The following PCDHA5 variants were observed in gnomAD, a reference collection of about 807,000 sequenced individuals.
PCDHA5 encodes the protein protocadherin alpha 5.
A neutral mutation model predicts 61.6 loss-of-function variants in PCDHA5; 43 were observed. That is an observed-to-expected ratio of 0.70 (90% CI 0.55 to 0.90). The LOEUF is 0.90. PCDHA5 is among the 40% of genes least tolerant of loss of function. The pLI is 0.00. For missense variants in PCDHA5, 1,298 were observed against 1,222.7 expected (o/e 1.06, Z -0.92); for synonymous variants, 627 against 543.9 (o/e 1.15, Z -2.13).
At chr5:140,858,313 G>A (rs781800844) in intron 1 of PCDHA5, 1 of 1,597,108 alleles carries the variant, frequency 6.3e-7, no homozygotes, top group Non-Finnish European at 8.6e-7. Flanking sequence ...GGCGGCAGAG[G>A]GTGTGTTCTG....
chr5:140,886,603 G>A lies in PCDHA5; in HGVS notation c.2352+62476G>A, dbSNP rs781862855. Among the ~76,000 whole-genome samples, 8 of 152,090 alleles carry A rather than the reference G, an allele frequency of 5.3e-5. No individual in the cohort carries two copies. The East Asian group carries it at 1.2e-3, about 22-fold the overall frequency. ...AGCACTTTGGGAGGCCAAGGTGGGCGGATCAGGAGATCAGGAGTCCGAGAC... is the reference window on the plus strand; with the variant it reads ...AGCACTTTGGGAGGCCAAGGTGGGCAGATCAGGAGATCAGGAGTCCGAGAC... On this transcript the variant is annotated intron_variant, in intron 1 of 3. Coordinates refer to ENST00000529859, the MANE Select transcript of PCDHA5 (RefSeq NM_018908.3).
At chr5:140,927,295 G>T (rs1343982131) in intron 1 of PCDHA5, 2 of 1,614,032 alleles carry the variant, frequency 1.2e-6, no homozygotes, top group African/African-American at 2.7e-5. Context: ...GCACATCCCC[G>T]AGTTCCTGAC....
chr5:140,870,186 C>T (rs1362653742), intron 1 of PCDHA5: 7 of 1,614,152 alleles, frequency 4.3e-6, no homozygotes, highest in Non-Finnish European at 5.9e-6. Flanking sequence ...TACGAGAGGA[C>T]GCTCAGCCCA....
intron 1 of PCDHA5, among the ~76,000 whole-genome samples, chr5:140,894,303 A>G (rs1386163832): frequency 2.0e-5 from 3 of 151,922 alleles, no homozygotes; most frequent in Admixed American, 6.6e-5. Context: ...TTTCCTGGAA[A>G]GTTTTCTTAA....
intron 1 of PCDHA5, chr5:140,824,442 T>C (rs1218681700): frequency 6.3e-6 from 3 of 472,476 alleles, no homozygotes; most frequent in African/African-American, 6.0e-5. Context: ...TTTCAGTTTA[T>C]GACTACATGA....
chr5:140,835,093 A>T (rs2150230722), intron 1 of PCDHA5: 1 of 1,240,950 alleles, frequency 8.1e-7, no homozygotes, highest in East Asian at 2.6e-5. Context: ...GACAACAATG[A>T]CAATGCCCCA....
At position 140,945,888 on chromosome 5, in the gene PCDHA5, C is replaced by T. The variant is rs117232601; in HGVS notation, c.2353-33061C>T. Among the ~76,000 whole-genome samples, 21 of 152,006 alleles carry T rather than the reference C, an allele frequency of 1.4e-4. No homozygotes were observed. The East Asian group carries it at 2.9e-3, about 21-fold the overall frequency. On this transcript the variant is annotated intron_variant, in intron 1 of 3. Transcript: ENST00000529859. Reference sequence around the variant, plus strand: ...GAAATTGTAAAACTAACAAAGAAAACACAGTGGGAAAGATGAAAGATCAAT... The same window carrying T: ...GAAATTGTAAAACTAACAAAGAAAATACAGTGGGAAAGATGAAAGATCAAT...
intron 1 of PCDHA5, chr5:140,829,924 G>T: frequency 6.2e-7 from 1 of 1,614,014 alleles, no homozygotes; most frequent in Non-Finnish European, 8.5e-7. Context: ...CGTATGAGCT[G>T]CAGCCCCCGG....
intron 1 of PCDHA5, chr5:140,834,235 C>A: frequency 1.3e-6 from 1 of 779,654 alleles, no homozygotes; most frequent in South Asian, 2.0e-5. Flanking sequence ...GAAGTCATTC[C>A]TTTTCGCACT....
In PCDHA5 at chr5:140,857,190, A is replaced by C. The variant is rs782160902; in HGVS notation, c.2352+33063A>C. The C allele has an allele frequency of 1.3e-5, 21 of 1,598,418 alleles. 2 individuals are homozygous for C. Among genetic ancestry groups the C allele is most frequent in the Non-Finnish European group, 8.6e-7 (1 of 1,167,936 alleles). On this transcript the variant is annotated intron_variant, in intron 1 of 3. Coordinates refer to ENST00000529859, the MANE Select transcript of PCDHA5 (RefSeq NM_018908.3). Reference sequence around the variant, plus strand: ...GTTTCTGACCATGATTCAGGAGCCAACGGACAGGTCACCTGCTCTCTGACG... The same window carrying C: ...GTTTCTGACCATGATTCAGGAGCCACCGGACAGGTCACCTGCTCTCTGACG...
intron 1 of PCDHA5, chr5:140,967,958 C>A (rs202159883): frequency 6.2e-7 from 1 of 1,614,182 alleles, no homozygotes; most frequent in Non-Finnish European, 8.5e-7. Context: ...AGGCCCCAAC[C>A]GGAAAGTGAG....
At position 140,856,409 on chromosome 5, in the gene PCDHA5, G is replaced by A; in HGVS notation, c.2352+32282G>A. 1.3e-6 allele frequency: 2 copies of A among 1,598,530 alleles called. 1 individual carries two copies. Among genetic ancestry groups the A allele is most frequent in the Non-Finnish European group, 1.7e-6 (2 of 1,167,974 alleles). On this transcript the variant is annotated intron_variant, in intron 1 of 3. Coordinates refer to ENST00000529859, the MANE Select transcript of PCDHA5 (RefSeq NM_018908.3). ...GCTGCAGGTTTTCCATGTGGACGTG[G>A]AAGTGAAGGACATTAACGACAACCC...
chr5:140,870,592 C>A (rs202164332), intron 1 of PCDHA5: 2 of 1,613,554 alleles, frequency 1.2e-6, no homozygotes, highest in African/African-American at 1.3e-5. Context: ...GGTGGAGCGG[C>A]GGTTGGGCGA....
chr5:140,969,704 T>A (rs1317094729), intron 1 of PCDHA5, among the ~76,000 whole-genome samples: 2 of 152,172 alleles, frequency 1.3e-5, no homozygotes, highest in African/African-American at 4.8e-5. Context: ...TGCTGTATCA[T>A]CTACAGGGAA....
chr5:140,926,170 C>T lies in PCDHA5; in HGVS notation c.2353-52779C>T, dbSNP rs558750358. 2.6e-5 allele frequency among the ~76,000 whole-genome samples: 4 copies of T among 151,860 alleles called. No homozygotes were observed. In the South Asian group the frequency reaches 6.6e-4, roughly 25 times the overall value. On this transcript the variant is annotated intron_variant, in intron 1 of 3. Coordinates refer to ENST00000529859, the MANE Select transcript of PCDHA5 (RefSeq NM_018908.3). ...CGGAAAGCTCTGCAGCAGGATCCAG[C>T]GCGGAAAGCCCCCCGCAGCACTTCT...
intron 1 of PCDHA5, among the ~76,000 whole-genome samples, chr5:140,921,417 A>C (rs1292321863): frequency 6.6e-6 from 1 of 152,210 alleles, no homozygotes; most frequent in Non-Finnish European, 1.5e-5. Flanking sequence ...TCTGTGCTGC[A>C]GACAAAAATT....
chr5:140,928,771 A>G lies in PCDHA5; in HGVS notation c.2353-50178A>G, dbSNP rs1554206294. 2 of 1,613,880 alleles carry G rather than the reference A, an allele frequency of 1.2e-6. No individual in the cohort carries two copies. Among genetic ancestry groups the G allele is most frequent in the East Asian group, 2.2e-5 (1 of 44,892 alleles). ...CCGTACTGCTCGCTTAGTTCTTCCC[A>G]CTGATGCAGTTAAGCAGAGGGTGGT... On this transcript the variant is annotated intron_variant, in intron 1 of 3. Coordinates refer to ENST00000529859, the MANE Select transcript of PCDHA5 (RefSeq NM_018908.3).
chr5:140,880,416 C>T lies in PCDHA5; in HGVS notation c.2352+56289C>T, dbSNP rs188503917. ...AAGAGCATATGGTTGACCTTAAAAG[C>T]GGGAACAGTTTTTCCTTACAACTAG... On this transcript the variant is annotated intron_variant, in intron 1 of 3. Coordinates refer to ENST00000529859, the MANE Select transcript of PCDHA5 (RefSeq NM_018908.3). Among the ~76,000 whole-genome samples, 429 of 152,140 alleles carry T rather than the reference C, an allele frequency of 2.8e-3. 2 individuals carry two copies. Among genetic ancestry groups the T allele is most frequent in the Middle Eastern group, 0.014 (4 of 294 alleles).
intron 1 of PCDHA5, chr5:140,855,887 CAA>C: frequency 1.0e-6 from 1 of 985,616 alleles, no homozygotes; most frequent in Non-Finnish European, 1.5e-6. Flanking sequence ...CTTTTTAGAA[CAA>C]AGGCATCAGC....
Sources: gnomAD v4.1 joint callset for allele counts (sites outside exome capture counted in the v4.1 genomes callset) on GRCh38, gnomAD v4.1.1 for gene constraint, MANE v1.5 for transcripts, NCBI Gene and HGNC (gene_info 2026-07-23, HGNC 2026-07-21) for gene names.